Variants in TANGO6 observed in about 807,000 individuals in gnomAD.
The protein encoded by TANGO6 is transport and golgi organization 6 homolog.
In TANGO6, 90 loss-of-function variants were observed where a neutral mutation model predicts 114.2. The ratio of observed to expected loss-of-function variants is 0.79; its 90% confidence interval spans 0.66 to 0.94. The LOEUF is 0.94. TANGO6 is among the 40% of genes least tolerant of loss of function. The pLI is 0.00. For synonymous variants in TANGO6, 477 were observed against 509.8 expected (o/e 0.94, Z 0.87); for missense variants, 1,274 against 1,315.3 (o/e 0.97, Z 0.49).
intron 11 of TANGO6, among the ~76,000 whole-genome samples, chr16:68,918,844 G>A (rs965748302): frequency 2.6e-5 from 4 of 152,062 alleles, no homozygotes; most frequent in Admixed American, 6.6e-5. Context: ...ACCCCCACCC[G>A]CTTGTCCTAT....
chr16:68,984,802 G>A (rs1186354299), intron 15 of TANGO6, among the ~76,000 whole-genome samples: 1 of 152,122 alleles, frequency 6.6e-6, no homozygotes, highest in Admixed American at 6.6e-5. Flanking sequence ...GATCACAGAT[G>A]TGAACCACCA....
intron 16 of TANGO6, among the ~76,000 whole-genome samples, chr16:69,025,378 C>T (rs903244979): frequency 6.6e-6 from 1 of 152,210 alleles, no homozygotes; most frequent in Non-Finnish European, 1.5e-5. Context: ...CAGGTTGTCT[C>T]TTCCCTGAAG....
intron 14 of TANGO6, among the ~76,000 whole-genome samples, chr16:68,968,519 C>T (rs139470592): frequency 6.6e-6 from 1 of 152,000 alleles, no homozygotes; most frequent in East Asian, 1.9e-4. Flanking sequence ...CACCTGCTAC[C>T]ACACTCAGCT....
chr16:68,898,878 T>C (rs1428430075), intron 7 of TANGO6, among the ~76,000 whole-genome samples: 2 of 152,052 alleles, frequency 1.3e-5, no homozygotes, highest in African/African-American at 2.4e-5. Context: ...CATTTTGAAA[T>C]CCTATTGTGT....
At chr16:68,903,268 CA>C (rs1415248886) in intron 9 of TANGO6, among the ~76,000 whole-genome samples, 1 of 152,102 alleles carries the variant, frequency 6.6e-6, no homozygotes, top group Non-Finnish European at 1.5e-5. Flanking sequence ...ACATAGATTG[CA>C]AACAGAATTA....
At position 68,985,748 on chromosome 16, in the gene TANGO6, A is replaced by T. The variant is rs1318040442; in HGVS notation, c.2842+11580A>T. 5.9e-5 allele frequency among the ~76,000 whole-genome samples: 9 copies of T among 152,344 alleles called. No homozygotes were observed. In the East Asian group the frequency reaches 1.7e-3, roughly 29 times the overall value. On this transcript the variant is annotated intron_variant, in intron 15 of 17. Coordinates refer to ENST00000261778, the MANE Select transcript of TANGO6 (RefSeq NM_024562.2). Reference sequence around the variant, plus strand: ...TTTTTTAAATTTAATTTTAAAAGATACTTAGTGCCAAGCTGTCCTCCAGAA... The same window carrying T: ...TTTTTTAAATTTAATTTTAAAAGATTCTTAGTGCCAAGCTGTCCTCCAGAA...
chr16:69,083,360 CATT>C, intron 17 of TANGO6, 122 bp from the exon 18 acceptor site: 1 of 1,246,524 alleles, frequency 8.0e-7, no homozygotes. Context: ...CACCCAGCCA[CATT>C]ATCTTCAGGA....
chr16:68,967,583 C>A (rs1963658590), intron 14 of TANGO6, among the ~76,000 whole-genome samples: 1 of 152,212 alleles, frequency 6.6e-6, no homozygotes, highest in African/African-American at 2.4e-5. Flanking sequence ...ACCACTAAAT[C>A]TACTTTTCCT....
At chr16:69,073,387 C>T (rs959890961) in intron 17 of TANGO6, among the ~76,000 whole-genome samples, 1 of 152,196 alleles carries the variant, frequency 6.6e-6, no homozygotes, top group Non-Finnish European at 1.5e-5. Flanking sequence ...GAATTGCCTG[C>T]GTTTCTCTCT....
At chr16:69,066,877 A>ACCCCGTCTCTACAAAAAATTTG in intron 17 of TANGO6, among the ~76,000 whole-genome samples, 1 of 151,894 alleles carries the variant, frequency 6.6e-6, no homozygotes, top group Admixed American at 6.6e-5. Flanking sequence ...AAATATCAAG[A>ACCCCGTCTCTACAAAAAATTTG]CCCCGTCTCT....
chr16:68,982,886 A>G (rs901913737), intron 15 of TANGO6, among the ~76,000 whole-genome samples: 9 of 151,950 alleles, frequency 5.9e-5, no homozygotes, highest in African/African-American at 2.2e-4. Flanking sequence ...TATTTAGATA[A>G]TATTTCATGT....
At position 68,843,541 on chromosome 16, in the gene TANGO6, G is replaced by A. The variant is rs567466238; in HGVS notation, c.-77G>A. 1.5e-5 allele frequency: 21 copies of A among 1,429,174 alleles called. No homozygotes were observed. The East Asian group carries it at 4.6e-4, about 31-fold the overall frequency. The allele number at this position is 1,429,174 out of a possible 1,614,324, so 88.5% of individuals were successfully genotyped here. On this transcript the variant is annotated 5_prime_UTR_variant, in exon 1 of 18. Transcript: ENST00000261778. ...CCCCATAGTGTGCCCAGAGCCTTCT[G>A]CCACACTTAACATGGCGGCGGCGGC...
intron 4 of TANGO6, among the ~76,000 whole-genome samples, chr16:68,871,414 T>C (rs1237860127): frequency 6.6e-6 from 1 of 152,170 alleles, no homozygotes; most frequent in Non-Finnish European, 1.5e-5. Flanking sequence ...TTCTGCTTTT[T>C]GGAGCTGTGG....
At chr16:68,955,567 T>C (rs1342615976) in intron 14 of TANGO6, among the ~76,000 whole-genome samples, 3 of 152,208 alleles carry the variant, frequency 2.0e-5, no homozygotes, top group Non-Finnish European at 1.5e-5. Flanking sequence ...GTTGGGTCAC[T>C]GGGTCAAAAA....
chr16:68,882,065 C>T (rs1226069756), intron 7 of TANGO6, among the ~76,000 whole-genome samples: 4 of 151,980 alleles, frequency 2.6e-5, no homozygotes, highest in Admixed American at 2.6e-4. Context: ...TAGAAAACAG[C>T]TTTCAAAACT....
intron 7 of TANGO6, among the ~76,000 whole-genome samples, chr16:68,884,066 C>T (rs563677231): frequency 1.4e-4 from 21 of 151,994 alleles, no homozygotes; most frequent in South Asian, 4.2e-4. Context: ...CCCACCACCA[C>T]GCCGAGCTAA....
At chr16:68,855,150 T>G (rs1961965484) in intron 1 of TANGO6, among the ~76,000 whole-genome samples, 1 of 150,788 alleles carries the variant, frequency 6.6e-6, no homozygotes, top group Non-Finnish European at 1.5e-5. Flanking sequence ...GAGGTTGCAG[T>G]GAGCTGAGAT....
At chr16:68,958,168 T>C (rs1027233593) in intron 14 of TANGO6, among the ~76,000 whole-genome samples, 1 of 144,560 alleles carries the variant, frequency 6.9e-6, no homozygotes, top group Non-Finnish European at 1.5e-5. Flanking sequence ...GGAAACTCCA[T>C]CTCAAAAAAA....
intron 7 of TANGO6, among the ~76,000 whole-genome samples, chr16:68,885,415 A>G (rs556233435): frequency 1.6e-4 from 25 of 152,290 alleles, no homozygotes; most frequent in Middle Eastern, 3.4e-3. Flanking sequence ...GTTCCCCTTA[A>G]AAGAAACTCG....
Sources: gnomAD v4.1 joint callset for allele counts (sites outside exome capture counted in the v4.1 genomes callset) on GRCh38, gnomAD v4.1.1 for gene constraint, MANE v1.5 for transcripts, NCBI Gene and HGNC (gene_info 2026-07-23, HGNC 2026-07-21) for gene names.